Variants in PDLIM5 observed in about 807,000 individuals in gnomAD.
PDLIM5 encodes PDZ and LIM domain 5.
PDLIM5 carries 34 observed loss-of-function variants against 64.2 expected under a neutral mutation model. The observed-to-expected ratio is 0.53, with a 90% CI of 0.40 to 0.71. PDLIM5 has a LOEUF of 0.71. Among genes scored for constraint, PDLIM5 ranks in the 30% least tolerant of loss-of-function variants. PDLIM5 has a pLI of 0.00. For missense variants in PDLIM5, 683 were observed against 733.6 expected (o/e 0.93, Z 0.80); for synonymous variants, 253 against 269.1 (o/e 0.94, Z 0.59).
chr4:94,662,360 G>T, intron 11 of PDLIM5, 62 bp from the exon 12 acceptor site: 1 of 781,096 alleles, frequency 1.3e-6, no homozygotes, highest in East Asian at 2.6e-5. Flanking sequence ...TGCCTTCTAG[G>T]AACGATCATT....
chr4:94,601,073 T>C (rs1737449439), intron 7 of PDLIM5, among the ~76,000 whole-genome samples: 1 of 152,200 alleles, frequency 6.6e-6, no homozygotes, highest in African/African-American at 2.4e-5. Context: ...GGAAATTCTT[T>C]CCCTAATACA....
intron 2 of PDLIM5, among the ~76,000 whole-genome samples, chr4:94,502,946 T>C (rs1391011647): frequency 6.6e-6 from 1 of 152,110 alleles, no homozygotes; most frequent in African/African-American, 2.4e-5. Context: ...GAAATAGATA[T>C]CTTTGTGATT....
chr4:94,535,644 A>C (rs1042648775), intron 3 of PDLIM5, among the ~76,000 whole-genome samples: 4 of 152,144 alleles, frequency 2.6e-5, no homozygotes, highest in Non-Finnish European at 5.9e-5. Flanking sequence ...GCATCACAGC[A>C]TGGTGGTGGA....
chr4:94,464,327 G>A (rs1001689371), intron 2 of PDLIM5, among the ~76,000 whole-genome samples: 3 of 152,168 alleles, frequency 2.0e-5, no homozygotes, highest in African/African-American at 7.2e-5. Context: ...ACAATTTAAT[G>A]CTGTTTACCA....
At chr4:94,565,686 A>G (rs926529191) in intron 3 of PDLIM5, among the ~76,000 whole-genome samples, 1 of 152,172 alleles carries the variant, frequency 6.6e-6, no homozygotes. Context: ...TGAAAAATGA[A>G]ATTATTAGAG....
chr4:94,499,978 C>T (rs1727767422), intron 2 of PDLIM5, among the ~76,000 whole-genome samples: 1 of 152,268 alleles, frequency 6.6e-6, no homozygotes, highest in East Asian at 1.9e-4. Flanking sequence ...AATTGTCTTC[C>T]ATGAAACCAG....
intron 3 of PDLIM5, among the ~76,000 whole-genome samples, chr4:94,531,945 A>G (rs1175187898): frequency 2.1e-5 from 3 of 141,394 alleles, no homozygotes; most frequent in African/African-American, 8.1e-5. Flanking sequence ...AAAGGGGGGG[A>G]AAGCTTATAG....
intron 2 of PDLIM5, among the ~76,000 whole-genome samples, chr4:94,471,647 GTGTAATTTACCAGC>G (rs1343570149): frequency 6.6e-6 from 1 of 152,128 alleles, no homozygotes; most frequent in South Asian, 2.1e-4. Flanking sequence ...GATCATGGCT[GTGTAATTTACCAGC>G]TGTAATTTAC....
intron 2 of PDLIM5, among the ~76,000 whole-genome samples, chr4:94,510,538 T>A (rs764929521): frequency 5.3e-5 from 8 of 152,190 alleles, no homozygotes; most frequent in Non-Finnish European, 1.2e-4. Context: ...CTTTTAGTAA[T>A]TTTCAGTTTT....
Position 94,665,057 on chromosome 4 carries a change from A to C in PDLIM5, c.*990A>C. The stretch of plus-strand genomic sequence containing the variant: ...AGTCTCAAATTTTTGCCTTTTACTA[A>C]AATGTGATTGTTTCTATTCATTGTG... On this transcript the variant is annotated 3_prime_UTR_variant, in exon 13 of 13. Transcript: ENST00000317968. The C allele has an allele frequency of 1.0e-6, 1 of 978,302 alleles. No individual in the cohort carries two copies. The highest frequency in any genetic ancestry group is 1.1e-4 in the East Asian group (1 of 8,794). The allele number at this position is 978,302 out of a possible 1,614,324, so 60.6% of individuals were successfully genotyped here.
intron 11 of PDLIM5, 137 bp from the exon 12 acceptor site, chr4:94,662,285 C>A (rs1403212567): frequency 8.1e-6 from 4 of 494,928 alleles, no homozygotes; most frequent in Non-Finnish European, 1.1e-5. Flanking sequence ...TATGCCATCT[C>A]CTGAAATTTT....
chr4:94,652,998 T>C (rs1741957140), intron 9 of PDLIM5, among the ~76,000 whole-genome samples: 1 of 152,130 alleles, frequency 6.6e-6, no homozygotes, highest in African/African-American at 2.4e-5. Context: ...ATAGCAAGGT[T>C]TATGTTATTG....
Position 94,664,910 on chromosome 4 carries a change from T to C in PDLIM5, c.*843T>C. ...CTTGTATATTATTTTTGCCTTACAGTGGATCATTCTAGTAGGAAAGGACAA... is the reference window on the plus strand; with the variant it reads ...CTTGTATATTATTTTTGCCTTACAGCGGATCATTCTAGTAGGAAAGGACAA... On this transcript the variant is annotated 3_prime_UTR_variant, in exon 13 of 13. Coordinates refer to ENST00000317968, the MANE Select transcript of PDLIM5 (RefSeq NM_006457.5). The C allele has an allele frequency of 1.0e-6, 1 of 979,442 alleles. No homozygotes were observed. Among genetic ancestry groups the C allele is most frequent in the Non-Finnish European group, 1.2e-6 (1 of 824,510 alleles). The allele number at this position is 979,442 out of a possible 1,614,324, so 60.7% of individuals were successfully genotyped here.
At chr4:94,611,234 C>T (rs1030378403) in intron 7 of PDLIM5, 11 of 1,512,708 alleles carry the variant, frequency 7.3e-6, no homozygotes, top group Admixed American at 2.0e-5. Context: ...AGTGGTGGTT[C>T]GCTGTTAAGC....
intron 3 of PDLIM5, among the ~76,000 whole-genome samples, chr4:94,569,228 G>T (rs1734592431): frequency 6.6e-6 from 1 of 152,182 alleles, no homozygotes; most frequent in Non-Finnish European, 1.5e-5. Context: ...TTGTGCTGAA[G>T]AGCAAGGTCT....
intron 1 of PDLIM5, among the ~76,000 whole-genome samples, chr4:94,454,177 G>C (rs1455516090): frequency 6.6e-6 from 1 of 152,092 alleles, no homozygotes; most frequent in Non-Finnish European, 1.5e-5. Flanking sequence ...TTCCAAGGAA[G>C]TATGTTTTTA....
At chr4:94,610,248 TGCAGTTCTGA>T (rs1377091217) in intron 7 of PDLIM5, 2 of 1,520,732 alleles carry the variant, frequency 1.3e-6, no homozygotes, top group Non-Finnish European at 1.8e-6. Context: ...GATATAGTGC[TGCAGTTCTGA>T]GCAGCGCAGC....
chr4:94,654,811 T>C (rs1742088491), intron 10 of PDLIM5, among the ~76,000 whole-genome samples, 171 bp downstream of exon 10: 1 of 152,212 alleles, frequency 6.6e-6, no homozygotes, highest in South Asian at 2.1e-4. Flanking sequence ...TGTGGAAATA[T>C]ATCGGACTCA....
In PDLIM5 at chr4:94,648,182, G is replaced by T. The variant is rs570301068; in HGVS notation, c.1284-6278G>T. Among the ~76,000 whole-genome samples the T allele has an allele frequency of 5.9e-5, 9 of 151,478 alleles. No homozygotes were observed. In the East Asian group the frequency reaches 1.8e-3, roughly 29 times the overall value. On this transcript the variant is annotated intron_variant, in intron 9 of 12. Transcript: ENST00000317968. ...GATTACAGCAGAAATGAATGAAATCGAGAATTTAAAAAAAATCAATGAAAC... is the reference window on the plus strand; with the variant it reads ...GATTACAGCAGAAATGAATGAAATCTAGAATTTAAAAAAAATCAATGAAAC...
Sources: allele counts gnomAD v4.1 joint callset (sites outside exome capture counted in the v4.1 genomes callset), GRCh38; gene constraint gnomAD v4.1.1; transcripts MANE v1.5; gene names NCBI Gene and HGNC (gene_info 2026-07-23, HGNC 2026-07-21).